The following RNGTT variants were observed in gnomAD, a reference collection of about 807,000 sequenced individuals.
RNGTT encodes the protein RNA guanylyltransferase and 5'-phosphatase.
RNGTT carries 33 observed loss-of-function variants against 79.3 expected under a neutral mutation model. The observed-to-expected ratio is 0.42, with a 90% confidence interval of 0.32 to 0.56. The LOEUF is 0.56. Among genes scored for constraint, RNGTT ranks in the 20% least tolerant of loss-of-function variants. RNGTT has a pLI of 0.17. For synonymous variants in RNGTT, 222 were observed against 235.9 expected (o/e 0.94, Z 0.54); for missense variants, 497 against 739.1 (o/e 0.67, Z 3.80).
intron 13 of RNGTT, among the ~76,000 whole-genome samples, chr6:88,689,044 T>G (rs575084992): frequency 6.6e-5 from 10 of 152,306 alleles, no homozygotes; most frequent in Admixed American, 4.6e-4. Context: ...AACAGTAAGC[T>G]ATTAGTAGTT....
chr6:88,954,339 T>C (rs1010889867), intron 1 of RNGTT, among the ~76,000 whole-genome samples: 5 of 152,142 alleles, frequency 3.3e-5, no homozygotes, highest in African/African-American at 4.8e-5. Context: ...ATAGCTATTC[T>C]TATGTCAGAC....
At chr6:88,944,963 T>C (rs140779945) in intron 1 of RNGTT, among the ~76,000 whole-genome samples, 7 of 152,336 alleles carry the variant, frequency 4.6e-5, no homozygotes, top group Non-Finnish European at 1.0e-4. Flanking sequence ...CTGAACTGTA[T>C]TGCATCTGAT....
intron 12 of RNGTT, among the ~76,000 whole-genome samples, chr6:88,776,742 C>T (rs372433566): frequency 1.3e-5 from 2 of 149,952 alleles, no homozygotes; most frequent in South Asian, 4.2e-4. Context: ...GTTGTGAATT[C>T]CTTTAATATT....
At chr6:88,638,589 T>G (rs1773188858) in intron 14 of RNGTT, among the ~76,000 whole-genome samples, 1 of 152,138 alleles carries the variant, frequency 6.6e-6, no homozygotes, top group Non-Finnish European at 1.5e-5. Flanking sequence ...GTTTTATGCT[T>G]TAAAGTTTAG....
chr6:88,663,482 C>T (rs536078375), intron 14 of RNGTT, among the ~76,000 whole-genome samples: 53 of 152,296 alleles, frequency 3.5e-4, no homozygotes, highest in African/African-American at 1.1e-3. Context: ...AGAGGACAGG[C>T]TGCAGCAGTA....
intron 14 of RNGTT, among the ~76,000 whole-genome samples, chr6:88,619,228 C>A (rs1037375808): frequency 6.6e-6 from 1 of 151,774 alleles, no homozygotes; most frequent in Admixed American, 6.6e-5. Context: ...TGCAGTGGTG[C>A]GGTCACAGCT....
At chr6:88,700,899 T>TA (rs978814887) in intron 13 of RNGTT, among the ~76,000 whole-genome samples, 5 of 152,100 alleles carry the variant, frequency 3.3e-5, no homozygotes, top group African/African-American at 1.2e-4. Flanking sequence ...TTGCATGCAT[T>TA]AAAAAACCAT....
chr6:88,684,906 T>G (rs1273336674), intron 13 of RNGTT, among the ~76,000 whole-genome samples: 1 of 152,140 alleles, frequency 6.6e-6, no homozygotes, highest in African/African-American at 2.4e-5. Context: ...TGTCTGTACT[T>G]TCTGCTCAAC....
chr6:88,688,207 AAT>A (rs2127794286), intron 13 of RNGTT, among the ~76,000 whole-genome samples: 1 of 152,328 alleles, frequency 6.6e-6, no homozygotes, highest in South Asian at 2.1e-4. Context: ...TTAACAAACA[AAT>A]ATATCATGGA....
intron 13 of RNGTT, among the ~76,000 whole-genome samples, chr6:88,689,925 C>A (rs1775420645): frequency 6.6e-6 from 1 of 150,936 alleles, no homozygotes; most frequent in African/African-American, 2.4e-5. Context: ...ATAACCTTAA[C>A]CAAGTAATTA....
At chr6:88,716,916 A>G (rs139003787) in intron 13 of RNGTT, among the ~76,000 whole-genome samples, 304 of 152,300 alleles carry the variant, frequency 2.0e-3, no homozygotes, top group African/African-American at 7.0e-3. Flanking sequence ...ATGTATACAT[A>G]TGTAACTAAC....
intron 12 of RNGTT, among the ~76,000 whole-genome samples, chr6:88,777,615 C>T (rs1051557923): frequency 6.6e-6 from 1 of 151,970 alleles, no homozygotes; most frequent in African/African-American, 2.4e-5. Flanking sequence ...AGGCTGTTAT[C>T]GATTGGTGTA....
At chr6:88,895,747 T>C (rs541673191) in intron 6 of RNGTT, among the ~76,000 whole-genome samples, 1 of 152,258 alleles carries the variant, frequency 6.6e-6, no homozygotes, top group African/African-American at 2.4e-5. Context: ...ATAAATGTAA[T>C]AAGTAATTAT....
chr6:88,757,600 G>A (rs1778063714), intron 13 of RNGTT, among the ~76,000 whole-genome samples: 1 of 152,110 alleles, frequency 6.6e-6, no homozygotes, highest in Non-Finnish European at 1.5e-5. Context: ...TAATTTCACT[G>A]TTGTTATGTC....
intron 5 of RNGTT, among the ~76,000 whole-genome samples, chr6:88,905,251 G>C (rs1783614861): frequency 6.6e-6 from 1 of 152,172 alleles, no homozygotes; most frequent in African/African-American, 2.4e-5. Flanking sequence ...GTTGAGGTCT[G>C]ACTCTGCAGC....
chr6:88,737,557 G>A (rs911799567), intron 13 of RNGTT, among the ~76,000 whole-genome samples: 1 of 152,130 alleles, frequency 6.6e-6, no homozygotes, highest in Non-Finnish European at 1.5e-5. Context: ...TGAAAATACG[G>A]CCTCTTACGA....
At chr6:88,761,569 C>T (rs1348109259) in intron 13 of RNGTT, among the ~76,000 whole-genome samples, 2 of 152,106 alleles carry the variant, frequency 1.3e-5, no homozygotes, top group African/African-American at 4.8e-5. Flanking sequence ...GAAGGTATTG[C>T]AATACTACTA....
chr6:88,657,022 G>C (rs1774005339), intron 14 of RNGTT, among the ~76,000 whole-genome samples: 1 of 152,122 alleles, frequency 6.6e-6, no homozygotes, highest in Admixed American at 6.5e-5. Context: ...TAGGAGACAG[G>C]ACTTATGTGT....
At chr6:88,919,540 C>CTGGT (rs1018913899) in intron 4 of RNGTT, among the ~76,000 whole-genome samples, 4 of 151,910 alleles carry the variant, frequency 2.6e-5, no homozygotes, top group African/African-American at 9.7e-5. Context: ...GTTGCCAAGG[C>CTGGT]TGGTCTTGAA....
Sources: gnomAD v4.1 joint callset for allele counts (sites outside exome capture counted in the v4.1 genomes callset) on GRCh38, gnomAD v4.1.1 for gene constraint, MANE v1.5 for transcripts, NCBI Gene and HGNC (gene_info 2026-07-23, HGNC 2026-07-21) for gene names.